Variants in DCDC2 observed in about 807,000 individuals in gnomAD.
DCDC2 encodes the protein doublecortin domain-containing protein 2.
A neutral mutation model predicts 50.2 loss-of-function variants in DCDC2; 40 were observed. That is an observed-to-expected ratio of 0.80 (90% confidence interval 0.62 to 1.04). DCDC2 has a LOEUF of 1.04. Ranked by LOEUF, DCDC2 falls within the 50% of genes least tolerant of loss-of-function variation. The pLI is 0.00. For synonymous variants in DCDC2, 234 were observed against 210.6 expected, an observed-to-expected ratio of 1.11 and a Z score of -0.96; for missense variants, 570 against 581.9, an observed-to-expected ratio of 0.98 and a Z score of 0.21.
chr6:24,211,233 C>G (rs922872486), intron 7 of DCDC2, among the ~76,000 whole-genome samples: 54 of 152,202 alleles, frequency 3.5e-4, no homozygotes, highest in Non-Finnish European at 3.1e-4. Flanking sequence ...TAGCCCAGTG[C>G]ATTAATTCTT....
At chr6:24,182,940 A>G (rs1213959324) in intron 8 of DCDC2, among the ~76,000 whole-genome samples, 1 of 152,276 alleles carries the variant, frequency 6.6e-6, no homozygotes, top group Non-Finnish European at 1.5e-5. Context: ...ATCAAAATGC[A>G]GTATATCCAT....
chr6:24,269,616 G>A (rs771189208), intron 7 of DCDC2, among the ~76,000 whole-genome samples: 1 of 152,122 alleles, frequency 6.6e-6, no homozygotes, highest in Non-Finnish European at 1.5e-5. Context: ...CTAGGAAAGG[G>A]GATGGGGTTC....
At position 24,331,217 on chromosome 6, in the gene DCDC2, G is replaced by A. The variant is rs1759959060; in HGVS notation, c.348+22352C>T. On this transcript the variant is annotated intron_variant, in intron 2 of 9. Transcript: ENST00000378454. ...AGCTCTCTCTACTCAACCCTTTAAA[G>A]TGCATTGAGCCATTGCTTATACAGT... Among the ~76,000 whole-genome samples, 2 of 151,944 alleles carry A rather than the reference G, an allele frequency of 1.3e-5. 1 individual carries two copies. The highest frequency in any genetic ancestry group is 4.1e-4 in the South Asian group (2 of 4,820).
intron 7 of DCDC2, among the ~76,000 whole-genome samples, chr6:24,269,993 T>C (rs576726925): frequency 6.6e-6 from 1 of 151,686 alleles, no homozygotes; most frequent in East Asian, 1.9e-4. Context: ...TATGAAATAG[T>C]GGAGAGTAGA....
upstream of DCDC2, among the ~76,000 whole-genome samples, chr6:24,362,929 T>C (rs1185212930): frequency 6.6e-6 from 1 of 152,164 alleles, no homozygotes; most frequent in Non-Finnish European, 1.5e-5. Context: ...TCTTCTCTCT[T>C]GTGCAAAGTC....
intron 8 of DCDC2, among the ~76,000 whole-genome samples, chr6:24,182,045 C>T (rs1002600395): frequency 2.0e-5 from 3 of 152,130 alleles, no homozygotes; most frequent in African/African-American, 7.2e-5. Flanking sequence ...ATAAGGGTGC[C>T]AACACCATTC....
chr6:24,324,185 C>A (rs938816797), intron 2 of DCDC2, among the ~76,000 whole-genome samples: 4 of 141,682 alleles, frequency 2.8e-5, no homozygotes, highest in African/African-American at 1.0e-4. Context: ...GATGTAGATA[C>A]AGAAGAATGC....
At chr6:24,230,064 G>C (rs1373008131) in intron 7 of DCDC2, among the ~76,000 whole-genome samples, 1 of 151,884 alleles carries the variant, frequency 6.6e-6, no homozygotes, top group Non-Finnish European at 1.5e-5. Flanking sequence ...GTTTTCTAAG[G>C]GATTTTACCA....
At chr6:24,354,738 G>C (rs1481876622) in intron 1 of DCDC2, among the ~76,000 whole-genome samples, 1 of 152,122 alleles carries the variant, frequency 6.6e-6, no homozygotes, top group Non-Finnish European at 1.5e-5. Flanking sequence ...ACAATGCACA[G>C]GGAAAGTTTT....
At chr6:24,181,927 C>T (rs1399318320) in intron 8 of DCDC2, among the ~76,000 whole-genome samples, 1 of 152,148 alleles carries the variant, frequency 6.6e-6, no homozygotes, top group Non-Finnish European at 1.5e-5. Flanking sequence ...TGCAAAGCTA[C>T]AATAACCAAA....
chr6:24,359,430 TATATATAC>T (rs1760612028), upstream of DCDC2, among the ~76,000 whole-genome samples: 5 of 31,466 alleles, frequency 1.6e-4, no homozygotes, highest in Admixed American at 5.6e-4. Context: ...TATATATATT[TATATATAC>T]TATATAGTAT....
At chr6:24,196,546 G>A (rs756477296) in intron 8 of DCDC2, among the ~76,000 whole-genome samples, 4 of 152,034 alleles carry the variant, frequency 2.6e-5, no homozygotes, top group African/African-American at 4.8e-5. Flanking sequence ...TCAGCCTCCC[G>A]ATTATCTGGA....
At chr6:24,184,361 C>T (rs189886699) in intron 8 of DCDC2, among the ~76,000 whole-genome samples, 26 of 152,002 alleles carry the variant, frequency 1.7e-4, no homozygotes, top group Admixed American at 1.4e-3. Flanking sequence ...TAACTGAGCT[C>T]GGGAGTTCAA....
intron 7 of DCDC2, among the ~76,000 whole-genome samples, chr6:24,231,892 C>A (rs1026984446): frequency 1.3e-5 from 2 of 151,950 alleles, no homozygotes; most frequent in Non-Finnish European, 2.9e-5. Flanking sequence ...CAGGATACAA[C>A]AGTAGCTCTC....
At chr6:24,295,574 C>T (rs974564297) in intron 4 of DCDC2, among the ~76,000 whole-genome samples, 3 of 152,130 alleles carry the variant, frequency 2.0e-5, no homozygotes, top group African/African-American at 7.2e-5. Context: ...TAGAAAATCT[C>T]ACAGTCTCGG....
chr6:24,259,253 G>A (rs925613076), intron 7 of DCDC2, among the ~76,000 whole-genome samples: 10 of 152,182 alleles, frequency 6.6e-5, no homozygotes, highest in African/African-American at 2.4e-4. Flanking sequence ...GGGCCTTAAT[G>A]TAAGAAGAAA....
intron 4 of DCDC2, among the ~76,000 whole-genome samples, chr6:24,294,902 G>A (rs991809502): frequency 6.6e-6 from 1 of 152,008 alleles, no homozygotes; most frequent in Non-Finnish European, 1.5e-5. Context: ...ACAAAATGTG[G>A]TACCATTTCT....
chr6:24,219,005 T>C (rs1243732394), intron 7 of DCDC2, among the ~76,000 whole-genome samples: 1 of 152,232 alleles, frequency 6.6e-6, no homozygotes, highest in Non-Finnish European at 1.5e-5. Flanking sequence ...CTTGTTTTAA[T>C]CTGGGAGGAG....
At chr6:24,247,269 A>C (rs930179957) in intron 7 of DCDC2, among the ~76,000 whole-genome samples, 7 of 152,132 alleles carry the variant, frequency 4.6e-5, no homozygotes, top group African/African-American at 7.2e-5. Flanking sequence ...ATGCTACTGC[A>C]CTTCAGCCTC....
Sources: allele counts gnomAD v4.1 joint callset (sites outside exome capture counted in the v4.1 genomes callset), GRCh38; gene constraint gnomAD v4.1.1; transcripts MANE v1.5; gene names NCBI Gene and HGNC (gene_info 2026-07-23, HGNC 2026-07-21).